DGKB: variants seen among roughly 807,000 people sequenced by gnomAD.
DGKB encodes the protein diacylglycerol kinase beta.
A neutral mutation model predicts 114.3 loss-of-function variants in DGKB; 67 were observed. The ratio of observed to expected loss-of-function variants is 0.59; its 90% CI spans 0.48 to 0.72. The LOEUF is 0.72. Among genes scored for constraint, DGKB ranks in the 30% least tolerant of loss-of-function variants. The pLI is 0.00. For synonymous variants in DGKB, 398 were observed against 323.1 expected, an observed-to-expected ratio of 1.23 and a Z score of -2.49; for missense variants, 907 against 975.2, an observed-to-expected ratio of 0.93 and a Z score of 0.93.
rs75521220 is a variant in DGKB at position 14,913,865 on chromosome 7, A to G, written c.-188+60831T>C. 9.8e-3 allele frequency among the ~76,000 whole-genome samples: 1,497 copies of G among 152,250 alleles called. 22 individuals carry two copies. Among genetic ancestry groups the G allele is most frequent in the African/African-American group, 0.034 (1,392 of 41,548 alleles). On this transcript the variant is annotated intron_variant, in intron 1 of 4. Transcript: ENST00000437998. ...ATAACTTTTCTTAGGTTAATCAGCAAATGGAGTTCACAGAGTAAACTACTA... is the reference window on the plus strand; with the variant it reads ...ATAACTTTTCTTAGGTTAATCAGCAGATGGAGTTCACAGAGTAAACTACTA...
intron 20 of DGKB, among the ~76,000 whole-genome samples, chr7:14,521,962 C>G (rs1285756504): frequency 1.3e-5 from 2 of 152,062 alleles, no homozygotes; most frequent in Non-Finnish European, 2.9e-5. Context: ...TCTGTGAAGT[C>G]TGCCTTTTCA....
intron 17 of DGKB, among the ~76,000 whole-genome samples, chr7:14,607,013 A>G (rs374835131): frequency 6.6e-6 from 1 of 152,116 alleles, no homozygotes; most frequent in Middle Eastern, 3.4e-3. Context: ...TAGTGTTCCA[A>G]TAATGGAACA....
At chr7:14,305,993 G>C (rs753289354) in intron 23 of DGKB, among the ~76,000 whole-genome samples, 2 of 152,056 alleles carry the variant, frequency 1.3e-5, no homozygotes, top group African/African-American at 4.8e-5. Context: ...ATGAGACCTA[G>C]GTTAATTCTA....
rs1260231446 is a variant in DGKB, at chr7:14,208,511, T to TAAAC, written c.2123-30364_2123-30361dup. On this transcript the variant is annotated intron_variant, in intron 23 of 25. Coordinates refer to ENST00000402815, the MANE Select transcript of DGKB (RefSeq NM_001350709.2). ...CCTTTTGCTGGGTTGCAAGGGATTG[T>TAAAC]AAACAGCCTCAATTTCTCCCTCTTT... Among the ~76,000 whole-genome samples the TAAAC allele has an allele frequency of 7.9e-5, 12 of 152,026 alleles. 1 individual carries two copies. Among genetic ancestry groups the TAAAC allele is most frequent in the Admixed American group, 7.9e-4 (12 of 15,242 alleles).
intron 23 of DGKB, among the ~76,000 whole-genome samples, chr7:14,294,733 CCACT>C (rs1802272170): frequency 6.6e-6 from 1 of 152,110 alleles, no homozygotes; most frequent in Non-Finnish European, 1.5e-5. Context: ...TATTATCTGA[CCACT>C]CAAAGATTAT....
intron 13 of DGKB, among the ~76,000 whole-genome samples, chr7:14,665,113 T>C (rs1011756475): frequency 5.9e-5 from 9 of 152,028 alleles, no homozygotes. Flanking sequence ...ATGTCATTCA[T>C]AATTCCAATT....
At chr7:14,744,497 C>A (rs934622216) in intron 4 of DGKB, among the ~76,000 whole-genome samples, 8 of 152,076 alleles carry the variant, frequency 5.3e-5, no homozygotes, top group African/African-American at 1.7e-4. Context: ...CCCAGGAACT[C>A]TATATTCTAG....
intron 23 of DGKB, among the ~76,000 whole-genome samples, chr7:14,293,476 C>A (rs1016046730): frequency 6.6e-6 from 1 of 151,888 alleles, no homozygotes; most frequent in Non-Finnish European, 1.5e-5. Context: ...ATATGTTATG[C>A]CATTTATTGT....
chr7:14,945,378 G>T (rs991097626), intron 1 of DGKB, among the ~76,000 whole-genome samples: 1 of 151,916 alleles, frequency 6.6e-6, no homozygotes, highest in Non-Finnish European at 1.5e-5. Context: ...GTTCTAGTTC[G>T]TGAATGTGGT....
chr7:14,776,257 G>C (rs1305198655), intron 2 of DGKB, among the ~76,000 whole-genome samples: 1 of 152,196 alleles, frequency 6.6e-6, no homozygotes, highest in East Asian at 1.9e-4. Context: ...TTTGCAGCCT[G>C]ATGATGCGAT....
At chr7:14,530,594 G>A (rs1446743032) in intron 20 of DGKB, among the ~76,000 whole-genome samples, 3 of 151,338 alleles carry the variant, frequency 2.0e-5, no homozygotes, top group South Asian at 2.1e-4. Flanking sequence ...TTTACCATAC[G>A]ATATTGGGAT....
chr7:14,918,961 G>A (rs985584814), intron 1 of DGKB, among the ~76,000 whole-genome samples: 2 of 151,760 alleles, frequency 1.3e-5, no homozygotes, highest in Non-Finnish European at 2.9e-5. Context: ...TACTCAGGAG[G>A]CTGAGGCAGG....
rs1554304205 is a variant in DGKB at position 14,852,487 on chromosome 7, C to CAAAAACAAACAAACAAAAA, written c.-187-11038_-187-11037insTTTTTGTTTGTTTGTTTTT. Among the ~76,000 whole-genome samples the CAAAAACAAACAAACAAAAA allele has an allele frequency of 1.3e-4, 8 of 63,618 alleles. 2 individuals are homozygous for CAAAAACAAACAAACAAAAA. The highest frequency in any genetic ancestry group is 5.0e-4 in the East Asian group (1 of 2,000). 41.7% of individuals were successfully genotyped at this position (63,618 alleles called of 152,430 possible). On this transcript the variant is annotated intron_variant, in intron 1 of 25. Coordinates refer to ENST00000402815, the MANE Select transcript of DGKB (RefSeq NM_001350709.2). The stretch of plus-strand genomic sequence containing the variant: ...GAGGAATAGCTAAAATAGTGAAAGT[C>CAAAAACAAACAAACAAAAA]AAAAAAAAAACAGAAATCAAGCATA...
intron 20 of DGKB, among the ~76,000 whole-genome samples, chr7:14,548,445 T>G (rs957429619): frequency 2.6e-5 from 4 of 152,158 alleles, no homozygotes; most frequent in African/African-American, 9.7e-5. Context: ...AGGCTTCCAC[T>G]AATTATTCAA....
Position 14,147,697 on chromosome 7 carries a change from T to A in DGKB, c.*1434A>T, listed in dbSNP as rs183430823. ...TCAGGCACTCGTTTTCCTTATGGCA[T>A]GTTTGAAAACATAAAACATGCAATG... On this transcript the variant is annotated 3_prime_UTR_variant, in exon 26 of 26. Coordinates refer to ENST00000402815, the MANE Select transcript of DGKB (RefSeq NM_001350709.2). The A allele has an allele frequency of 6.5e-6, 1 of 152,718 alleles. No individual in the cohort carries two copies. Among genetic ancestry groups the A allele is most frequent in the East Asian group, 1.9e-4 (1 of 5,180 alleles). The allele number at this position is 152,718 out of a possible 1,614,324, so 9.5% of individuals were successfully genotyped here.
chr7:14,516,541 A>T (rs1788823644), intron 20 of DGKB, among the ~76,000 whole-genome samples: 1 of 152,172 alleles, frequency 6.6e-6, no homozygotes, highest in Non-Finnish European at 1.5e-5. Context: ...ATCCTCTCTC[A>T]AGGGAAATCT....
At chr7:14,359,649 T>C (rs912443822) in intron 21 of DGKB, among the ~76,000 whole-genome samples, 11 of 152,064 alleles carry the variant, frequency 7.2e-5, no homozygotes, top group Admixed American at 1.3e-4. Flanking sequence ...CATCAAAAAG[T>C]GGGCAAAGGA....
chr7:14,653,267 A>G (rs1227390163), intron 13 of DGKB, among the ~76,000 whole-genome samples: 1 of 151,440 alleles, frequency 6.6e-6, no homozygotes, highest in Non-Finnish European at 1.5e-5. Context: ...AATGTCCCAC[A>G]ATGATAGACT....
chr7:14,483,776 T>A (rs1783350928), intron 20 of DGKB, among the ~76,000 whole-genome samples: 1 of 152,062 alleles, frequency 6.6e-6, no homozygotes, highest in African/African-American at 2.4e-5. Context: ...AAGGCAGACA[T>A]TGGAGTGGTG....
Sources: allele counts gnomAD v4.1 joint callset (sites outside exome capture counted in the v4.1 genomes callset), GRCh38; gene constraint gnomAD v4.1.1; transcripts MANE v1.5; gene names NCBI Gene and HGNC (gene_info 2026-07-23, HGNC 2026-07-21).